Variants in NPTX1 observed in about 807,000 individuals in gnomAD.
NPTX1 encodes the protein neuronal pentraxin-1.
In NPTX1, 12 loss-of-function variants were observed where a neutral mutation model predicts 38.7. That is an observed-to-expected ratio of 0.31 (90% confidence interval 0.20 to 0.50). NPTX1 has a LOEUF of 0.50. Ranked by LOEUF, NPTX1 falls within the 20% of genes least tolerant of loss-of-function variation. The pLI, the probability that NPTX1 is intolerant of heterozygous loss-of-function variation, is 0.98. For missense variants in NPTX1, 454 were observed against 592.2 expected (o/e 0.77, Z 2.42); for synonymous variants, 272 against 264.9 (o/e 1.03, Z -0.26).
chr17:80,475,855 G>A lies in NPTX1; in HGVS notation c.445-137C>T, dbSNP rs1402645918. 8.4e-6 allele frequency: 7 copies of A among 831,150 alleles called. No individual in the cohort carries two copies. The highest frequency in any genetic ancestry group is 1.0e-5 in the Non-Finnish European group (6 of 588,016). 51.5% of individuals were successfully genotyped at this position (831,150 alleles called of 1,614,324 possible). Reference sequence around the variant, plus strand: ...GAGCTGGGGCGAGTGGCCGCCGCGGGGCCTCGCAGGCGCGGGGAGGCACCG... The same window carrying A: ...GAGCTGGGGCGAGTGGCCGCCGCGGAGCCTCGCAGGCGCGGGGAGGCACCG... On this transcript the variant is annotated intron_variant, in intron 1 of 4. Coordinates refer to ENST00000306773, the MANE Select transcript of NPTX1 (RefSeq NM_002522.4). This position sits in a 1 kb window ranked among gnomAD's most constrained non-coding sequence, Gnocchi z 6.5.
chr17:80,472,405 C>T (rs1389411386), intron 3 of NPTX1, among the ~76,000 whole-genome samples: 3 of 152,170 alleles, frequency 2.0e-5, no homozygotes, highest in African/African-American at 4.8e-5. Flanking sequence ...TCATGGAGCA[C>T]GATGCCTTTT....
At chr17:80,472,740 C>T (rs148327441) in intron 3 of NPTX1, among the ~76,000 whole-genome samples, 1 of 152,298 alleles carries the variant, frequency 6.6e-6, no homozygotes, top group East Asian at 1.9e-4. Flanking sequence ...CTGTCCTGTT[C>T]CAAGGGATCA....
At position 80,475,758 on chromosome 17, in the gene NPTX1, G is replaced by C. The variant is rs1395577672; in HGVS notation, c.445-40C>G. The C allele has an allele frequency of 1.6e-5, 23 of 1,483,156 alleles. No individual in the cohort carries two copies. The highest frequency in any genetic ancestry group is 2.1e-5 in the Non-Finnish European group (23 of 1,075,850). The allele number at this position is 1,483,156 out of a possible 1,614,324, so 91.9% of individuals were successfully genotyped here. A position where few individuals can be genotyped will look rare whatever the true frequency, so the allele number is the denominator to read the frequency against. On this transcript the variant is annotated intron_variant, in intron 1 of 4. Transcript: ENST00000306773. The surrounding 1 kb of genome is among the most constrained non-coding windows in gnomAD (Gnocchi z 6.5). Reference sequence around the variant, plus strand: ...GGCGGGGGAAACCACACCGTTAGGCGAGGCGCGGGGACCGTGCTGGAAGGC... The same window carrying C: ...GGCGGGGGAAACCACACCGTTAGGCCAGGCGCGGGGACCGTGCTGGAAGGC...
chr17:80,470,690 C>T lies in NPTX1; in HGVS notation c.*123G>A, dbSNP rs912794994. 20 of 670,778 alleles carry T rather than the reference C, an allele frequency of 3.0e-5. No individual in the cohort carries two copies. Among genetic ancestry groups the T allele is most frequent in the Admixed American group, 1.9e-4 (7 of 36,564 alleles). 41.6% of individuals were successfully genotyped at this position (670,778 alleles called of 1,614,324 possible). ...GACAAAACCAGGCTGTGTGCGTGTG[C>T]GTGTGCAGGGGCGACGGCCTCGGTT... On this transcript the variant is annotated 3_prime_UTR_variant, in exon 5 of 5. Coordinates refer to ENST00000306773, the MANE Select transcript of NPTX1 (RefSeq NM_002522.4).
At position 80,473,553 on chromosome 17, in the gene NPTX1, G is replaced by A. The variant is rs28728409; in HGVS notation, c.653-109C>T. 3,182 of 1,162,342 alleles carry A rather than the reference G, an allele frequency of 2.7e-3. 61 individuals carry two copies. In the African/African-American group the frequency reaches 0.041, roughly 15 times the overall value. The allele number at this position is 1,162,342 out of a possible 1,614,324, so 72.0% of individuals were successfully genotyped here. On this transcript the variant is annotated intron_variant, in intron 2 of 4. Transcript: ENST00000306773. ...GTGATGCGTGGCCAGGGCAGGCTCC[G>A]GTCTCCATTCTGGAGACGCAGAGCG...
chr17:80,473,545 C>G (rs1327052927), intron 2 of NPTX1, 101 bp from the exon 3 acceptor site: 2 of 1,241,578 alleles, frequency 1.6e-6, no homozygotes, highest in Admixed American at 3.6e-5. Context: ...GTGGCCAGGG[C>G]AGGCTCCGGT....
Position 80,467,481 on chromosome 17 carries a change from G to T in NPTX1, c.*3332C>A, listed in dbSNP as rs1389983127. ...CCAAGACACAGGTTCACCATAAATGGCCAGTTTTACCTCCTGGTCCCCAAC... is the reference window on the plus strand; with the variant it reads ...CCAAGACACAGGTTCACCATAAATGTCCAGTTTTACCTCCTGGTCCCCAAC... On this transcript the variant is annotated 3_prime_UTR_variant, in exon 5 of 5. Transcript: ENST00000306773. 2.0e-5 allele frequency: 3 copies of T among 152,520 alleles called. No homozygotes were observed. Among genetic ancestry groups the T allele is most frequent in the African/African-American group, 2.4e-5 (1 of 41,410 alleles). The allele number at this position is 152,520 out of a possible 1,614,324, so 9.4% of individuals were successfully genotyped here.
rs2083831727 is a variant in NPTX1 at position 80,470,265 on chromosome 17, G to T, written c.*548C>A. On this transcript the variant is annotated 3_prime_UTR_variant, in exon 5 of 5. Coordinates refer to ENST00000306773, the MANE Select transcript of NPTX1 (RefSeq NM_002522.4). ...CCCGGCCTTTGACAAACCACTAAAA[G>T]ACATTTATTACATCAATATAAAGAT... The T allele has an allele frequency of 6.6e-6, 1 of 152,236 alleles. No individual in the cohort carries two copies. The highest frequency in any genetic ancestry group is 1.5e-5 in the Non-Finnish European group (1 of 68,092). 9.4% of individuals were successfully genotyped at this position (152,236 alleles called of 1,614,324 possible). A position where few individuals can be genotyped will look rare whatever the true frequency, so the allele number is the denominator to read the frequency against.
At chr17:80,474,860 C>A (rs2083869410) in intron 2 of NPTX1, among the ~76,000 whole-genome samples, 1 of 149,086 alleles carries the variant, frequency 6.7e-6, no homozygotes, top group African/African-American at 2.4e-5. Flanking sequence ...ACAGAGCCTC[C>A]AGCGCTCATC....
chr17:80,475,510 C>T lies in NPTX1; in HGVS notation c.652+1G>A. On this transcript the variant is annotated splice_donor_variant, in intron 2 of 4. Coordinates refer to ENST00000306773, the MANE Select transcript of NPTX1 (RefSeq NM_002522.4). LOFTEE classifies it high-confidence loss of function. This position sits in a 1 kb window ranked among gnomAD's most constrained non-coding sequence, Gnocchi z 6.5. ...AGCACGGCTCCCCCTGGCCCCAGTA[C>T]CTTTCTCGAGCTCGCTGATCCGCTG... The T allele has an allele frequency of 1.2e-6, 2 of 1,610,692 alleles. No homozygotes were observed. The highest frequency in any genetic ancestry group is 1.7e-6 in the Non-Finnish European group (2 of 1,179,236).
intron 2 of NPTX1, chr17:80,474,013 GAGGCTGGGCAGCTCCCCACCTCCA>G (rs1270449789): frequency 6.3e-6 from 1 of 157,872 alleles, no homozygotes; most frequent in Non-Finnish European, 1.4e-5. Flanking sequence ...TCTTGGGTGT[GAGGCTGGGCAGCTCCCCACCTCCA>G]AGGCCCTTCC....
intron 3 of NPTX1, 114 bp downstream of exon 3, chr17:80,473,086 T>A: frequency 7.5e-7 from 1 of 1,326,958 alleles, no homozygotes; most frequent in Non-Finnish European, 1.0e-6. Flanking sequence ...GGCAAACACT[T>A]TCCTTGGGGC....
Position 80,467,757 on chromosome 17 carries a change from G to A in NPTX1, c.*3056C>T, listed in dbSNP as rs568379309. The A allele has an allele frequency of 1.0e-4, 16 of 152,608 alleles. No individual in the cohort carries two copies. The highest frequency in any genetic ancestry group is 2.6e-4 in the African/African-American group (11 of 41,576). The allele number at this position is 152,608 out of a possible 1,614,324, so 9.5% of individuals were successfully genotyped here. A position where few individuals can be genotyped will look rare whatever the true frequency, so the allele number is the denominator to read the frequency against. ...TTCTACGTTTTGGTGGAGCCTGAAA[G>A]TATTTTCAAGGGAGATATAGGTTGA... On this transcript the variant is annotated 3_prime_UTR_variant, in exon 5 of 5. Coordinates refer to ENST00000306773, the MANE Select transcript of NPTX1 (RefSeq NM_002522.4).
In NPTX1 at chr17:80,476,090, G is replaced by A; in HGVS notation, c.357C>T (p.Gly119=). 1 of 1,606,012 alleles carries A rather than the reference G, an allele frequency of 6.2e-7. No individual in the cohort carries two copies. The highest frequency in any genetic ancestry group is 8.5e-7 in the Non-Finnish European group (1 of 1,178,030). ...CGGCGGCCGGTGTCCGGGACAGGTC[G>A]CCCATGGTGTTCTTGCCCGAGCCGG... The part of the protein sequence containing the change: ...KQPGSGKNTM[G]DLSRTPAAET... Residue 119 remains glycine, a synonymous_variant, in exon 1 of 5, where the codon GGC becomes GGT. Transcript: ENST00000306773. The surrounding 1 kb of genome is among the most constrained non-coding windows in gnomAD (Gnocchi z 6.3).
chr17:80,469,956 G>A lies in NPTX1; in HGVS notation c.*857C>T, dbSNP rs1056833980. The stretch of plus-strand genomic sequence containing the variant: ...GGTGAGAAGGGAGGGGCAGACCCCA[G>A]CCTTGCAGGATCTGAGGAGGTGGGA... On this transcript the variant is annotated 3_prime_UTR_variant, in exon 5 of 5. Coordinates refer to ENST00000306773, the MANE Select transcript of NPTX1 (RefSeq NM_002522.4). The A allele has an allele frequency of 1.4e-4, 22 of 152,504 alleles. No individual in the cohort carries two copies. Among genetic ancestry groups the A allele is most frequent in the African/African-American group, 5.1e-4 (21 of 41,468 alleles). 9.4% of individuals were successfully genotyped at this position (152,504 alleles called of 1,614,324 possible).
At position 80,467,757 on chromosome 17, in the gene NPTX1, G is replaced by C. The variant is rs568379309; in HGVS notation, c.*3056C>G. On this transcript the variant is annotated 3_prime_UTR_variant, in exon 5 of 5. Coordinates refer to ENST00000306773, the MANE Select transcript of NPTX1 (RefSeq NM_002522.4). Reference sequence around the variant, plus strand: ...TTCTACGTTTTGGTGGAGCCTGAAAGTATTTTCAAGGGAGATATAGGTTGA... The same window carrying C: ...TTCTACGTTTTGGTGGAGCCTGAAACTATTTTCAAGGGAGATATAGGTTGA... 2.6e-5 allele frequency: 4 copies of C among 152,608 alleles called. No homozygotes were observed. The South Asian group carries it at 8.3e-4, about 32-fold the overall frequency. 9.5% of individuals were successfully genotyped at this position (152,608 alleles called of 1,614,324 possible).
In NPTX1 at chr17:80,475,378, G is replaced by T. The variant is rs978107252; in HGVS notation, c.652+133C>A. ...GAAGGGGTGCGGGGAATGAGAAAGCGGTGCAGGGGTTGGGGGTAGCGGAGC... is the reference window on the plus strand; with the variant it reads ...GAAGGGGTGCGGGGAATGAGAAAGCTGTGCAGGGGTTGGGGGTAGCGGAGC... On this transcript the variant is annotated intron_variant, in intron 2 of 4. Transcript: ENST00000306773. The surrounding 1 kb of genome is among the most constrained non-coding windows in gnomAD (Gnocchi z 6.5). 3.1e-6 allele frequency: 2 copies of T among 648,974 alleles called. No homozygotes were observed. Among genetic ancestry groups the T allele is most frequent in the African/African-American group, 1.8e-5 (1 of 54,846 alleles). The allele number at this position is 648,974 out of a possible 1,614,324, so 40.2% of individuals were successfully genotyped here. A position where few individuals can be genotyped will look rare whatever the true frequency, so the allele number is the denominator to read the frequency against.
Position 80,475,493 on chromosome 17 carries a change from T to A in NPTX1, c.652+18A>T, listed in dbSNP as rs760805140. The A allele has an allele frequency of 6.3e-7, 1 of 1,589,466 alleles. No individual in the cohort carries two copies. Among genetic ancestry groups the A allele is most frequent in the South Asian group, 1.1e-5 (1 of 88,204 alleles). The stretch of plus-strand genomic sequence containing the variant: ...AGCAGGTGCAGGCAGGCAGCACGGC[T>A]CCCCCTGGCCCCAGTACCTTTCTCG... On this transcript the variant is annotated intron_variant, in intron 2 of 4. Transcript: ENST00000306773. This position sits in a 1 kb window ranked among gnomAD's most constrained non-coding sequence, Gnocchi z 6.5.
In NPTX1 at chr17:80,470,762, G is replaced by A. The variant is rs778727218; in HGVS notation, c.*51C>T. On this transcript the variant is annotated 3_prime_UTR_variant, in exon 5 of 5. Coordinates refer to ENST00000306773, the MANE Select transcript of NPTX1 (RefSeq NM_002522.4). ...GAAGAGACGCACAAAACAGATCATC[G>A]CCGCACAAGCAGGGGGCGAGGGCGG... The A allele has an allele frequency of 1.8e-5, 23 of 1,253,520 alleles. 1 individual carries two copies. The highest frequency in any genetic ancestry group is 1.6e-4 in the African/African-American group (11 of 67,850). 77.6% of individuals were successfully genotyped at this position (1,253,520 alleles called of 1,614,324 possible).
Sources: allele counts gnomAD v4.1 joint callset (sites outside exome capture counted in the v4.1 genomes callset), GRCh38; gene constraint gnomAD v4.1.1; non-coding constraint Gnocchi (gnomAD v3.1); transcripts MANE v1.5; gene names NCBI Gene and HGNC (gene_info 2026-07-23, HGNC 2026-07-21).